LDLRAD4: variants seen among roughly 807,000 people sequenced by gnomAD.
LDLRAD4 encodes the protein low density lipoprotein receptor class A domain containing 4.
LDLRAD4 carries 5 observed loss-of-function variants against 17.0 expected under a neutral mutation model. The ratio of observed to expected loss-of-function variants is 0.29; its 90% CI spans 0.15 to 0.62. The LOEUF is 0.62. LDLRAD4 is among the 20% of genes least tolerant of loss of function. LDLRAD4 has a pLI of 0.84. For missense variants in LDLRAD4, 340 were observed against 424.7 expected, an observed-to-expected ratio of 0.80 and a Z score of 1.75; for synonymous variants, 168 against 171.8, an observed-to-expected ratio of 0.98 and a Z score of 0.17.
intron 2 of LDLRAD4, among the ~76,000 whole-genome samples, chr18:13,416,091 G>T (rs2088867788): frequency 6.6e-6 from 1 of 152,202 alleles, no homozygotes; most frequent in Non-Finnish European, 1.5e-5. Flanking sequence ...GGGCTGGCGG[G>T]GACACTGGAG....
At chr18:13,641,497 AG>A (rs2042554811) in intron 4 of LDLRAD4, among the ~76,000 whole-genome samples, 1 of 152,248 alleles carries the variant, frequency 6.6e-6, no homozygotes, top group South Asian at 2.1e-4. Flanking sequence ...AGGTTAAGAT[AG>A]TCCTTGCATT....
chr18:13,356,462 A>C (rs986938493), intron 1 of LDLRAD4, among the ~76,000 whole-genome samples: 3 of 152,260 alleles, frequency 2.0e-5, no homozygotes, highest in Non-Finnish European at 4.4e-5. Flanking sequence ...AGTCAGATTT[A>C]GAAGATGTAG....
chr18:13,526,158 A>G (rs6416996), intron 3 of LDLRAD4: 150,093 of 152,260 alleles, frequency 0.99, 74,016 homozygotes, highest in East Asian at 1. Flanking sequence ...TCCTCTGTGC[A>G]TTTTCATTTC....
rs1404623968 is a variant in LDLRAD4, at chr18:13,248,253, G to A, written c.-467+29265G>A. 2.6e-5 allele frequency among the ~76,000 whole-genome samples: 4 copies of A among 152,348 alleles called. No homozygotes were observed. In the South Asian group the frequency reaches 8.3e-4, roughly 32 times the overall value. On this transcript the variant is annotated intron_variant, in intron 1 of 5. Coordinates refer to the LDLRAD4 transcript ENST00000399848. ...TGGGACTACAGGCGCGAGCCACCGCGCCCGGCCATAGCCCCACTTTTTTGA... is the reference window on the plus strand; with the variant it reads ...TGGGACTACAGGCGCGAGCCACCGCACCCGGCCATAGCCCCACTTTTTTGA...
intron 1 of LDLRAD4, among the ~76,000 whole-genome samples, chr18:13,255,488 G>A (rs2043454327): frequency 6.6e-6 from 1 of 152,240 alleles, no homozygotes; most frequent in Non-Finnish European, 1.5e-5. Flanking sequence ...AGCAGGGGGT[G>A]CAGAGGGCAC....
chr18:13,457,242 C>G (rs1840641426), intron 3 of LDLRAD4, among the ~76,000 whole-genome samples: 1 of 152,242 alleles, frequency 6.6e-6, no homozygotes, highest in Non-Finnish European at 1.5e-5. Flanking sequence ...GCTCACAGAA[C>G]TCAGGGAAAC....
At chr18:13,412,571 TAG>T (rs1164726338) in intron 2 of LDLRAD4, among the ~76,000 whole-genome samples, 4 of 152,204 alleles carry the variant, frequency 2.6e-5, no homozygotes, top group African/African-American at 9.7e-5. Flanking sequence ...CATGAGGAAC[TAG>T]AGAGACAGCA....
chr18:13,551,444 A>G (rs1377083090), intron 3 of LDLRAD4, among the ~76,000 whole-genome samples: 1 of 152,174 alleles, frequency 6.6e-6, no homozygotes, highest in Non-Finnish European at 1.5e-5. Context: ...GAATCCTGCC[A>G]GGCTGCCGAG....
At chr18:13,635,931 CTGTGTG>C (rs60695092) in intron 4 of LDLRAD4, among the ~76,000 whole-genome samples, 20,914 of 147,320 alleles carry the variant, frequency 0.14, 1,988 homozygotes, top group East Asian at 0.49. Context: ...GACAGCTATG[CTGTGTG>C]TGTGTGTGTG....
chr18:13,324,396 C>T (rs1391144475), intron 1 of LDLRAD4, among the ~76,000 whole-genome samples: 1 of 152,098 alleles, frequency 6.6e-6, no homozygotes, highest in African/African-American at 2.4e-5. Context: ...CCTGCCTTGG[C>T]CTCCCAAAGT....
At chr18:13,556,105 A>G (rs2094480792) in intron 3 of LDLRAD4, among the ~76,000 whole-genome samples, 1 of 152,236 alleles carries the variant, frequency 6.6e-6, no homozygotes, top group African/African-American at 2.4e-5. Flanking sequence ...CTCATCTTCT[A>G]CAGCTTCAGT....
chr18:13,365,449 G>A (rs954685917), intron 1 of LDLRAD4, among the ~76,000 whole-genome samples: 1 of 152,232 alleles, frequency 6.6e-6, no homozygotes, highest in Non-Finnish European at 1.5e-5. Flanking sequence ...GTAGTGCGCT[G>A]TGAGAGTGGT....
chr18:13,227,126 G>C (rs2041852655), intron 1 of LDLRAD4, among the ~76,000 whole-genome samples: 1 of 152,180 alleles, frequency 6.6e-6, no homozygotes, highest in Non-Finnish European at 1.5e-5. Context: ...GTCTGTGGAG[G>C]ACCTCCACAT....
chr18:13,578,433 C>T (rs2094805332), intron 3 of LDLRAD4, among the ~76,000 whole-genome samples: 8 of 152,206 alleles, frequency 5.3e-5, no homozygotes, highest in Admixed American at 5.2e-4. Context: ...TGTGCCCTCC[C>T]TGGCCAGCAC....
chr18:13,586,873 A>G lies in LDLRAD4; in HGVS notation c.182-34244A>G, dbSNP rs1340346389. On this transcript the variant is annotated intron_variant, in intron 3 of 5. Coordinates refer to ENST00000359446, the Ensembl canonical transcript of LDLRAD4. ...TGAGACTCTGAATCTAAAAAAAAAA[A>G]AAAAAGGAAAAAAAAATAGGGGGGA... 2.6e-5 allele frequency among the ~76,000 whole-genome samples: 4 copies of G among 151,848 alleles called. No individual in the cohort carries two copies. The East Asian group carries it at 7.7e-4, about 29-fold the overall frequency.
At chr18:13,549,060 G>A (rs558332623) in intron 3 of LDLRAD4, among the ~76,000 whole-genome samples, 5 of 152,282 alleles carry the variant, frequency 3.3e-5, no homozygotes, top group East Asian at 1.9e-4. Flanking sequence ...GTTGCATTTC[G>A]CTTTTGTCAC....
rs1223717248 is a variant in LDLRAD4, at chr18:13,370,739, C to A, written c.-382-16602C>A. On this transcript the variant is annotated intron_variant, in intron 1 of 5. Coordinates refer to ENST00000359446, the Ensembl canonical transcript of LDLRAD4. ...TTTTTTTTTTTTTTTGAGATGGATT[C>A]TTGCTTTGTCTCTTAGACTGGAGTG... Among the ~76,000 whole-genome samples, 80 of 11,364 alleles carry A rather than the reference C, an allele frequency of 7.0e-3. 1 individual carries two copies. Among genetic ancestry groups the A allele is most frequent in the Non-Finnish European group, 0.01 (56 of 5,546 alleles). The allele number at this position is 11,364 out of a possible 152,430, so 7.5% of individuals were successfully genotyped here.
intron 3 of LDLRAD4, among the ~76,000 whole-genome samples, chr18:13,477,854 C>G (rs2092983982): frequency 6.6e-6 from 1 of 152,186 alleles, no homozygotes; most frequent in African/African-American, 2.4e-5. Context: ...AGTCAAGGGC[C>G]AGAGCTGCAG....
At chr18:13,275,736 A>C (rs2044824360), upstream of LDLRAD4, among the ~76,000 whole-genome samples, 1 of 151,732 alleles carries the variant, frequency 6.6e-6, no homozygotes, top group African/African-American at 2.4e-5. Flanking sequence ...CCCTGTAAAT[A>C]CATATACCTA....
Sources: allele counts gnomAD v4.1 joint callset (sites outside exome capture counted in the v4.1 genomes callset), GRCh38; gene constraint gnomAD v4.1.1; transcripts MANE v1.5; gene names NCBI Gene and HGNC (gene_info 2026-07-23, HGNC 2026-07-21).